Variants in EXOC3 observed in about 807,000 individuals in gnomAD.
EXOC3 encodes exocyst complex component 3.
In EXOC3, 21 loss-of-function variants were observed where a neutral mutation model predicts 73.7. The ratio of observed to expected loss-of-function variants is 0.29; its 90% confidence interval spans 0.20 to 0.41. EXOC3 has a LOEUF of 0.41. EXOC3 is among the 10% of genes least tolerant of loss of function. The pLI is 1.00. For missense variants in EXOC3, 842 were observed against 985.1 expected (o/e 0.85, Z 1.95); for synonymous variants, 410 against 389.1 (o/e 1.05, Z -0.63).
At chr5:449,528 T>C (rs1737597161) in intron 3 of EXOC3, among the ~76,000 whole-genome samples, 1 of 152,244 alleles carries the variant, frequency 6.6e-6, no homozygotes, top group South Asian at 2.1e-4. Flanking sequence ...GAAGACCTCA[T>C]AGAAGTGGCA....
chr5:466,553 G>A (rs939119885), intron 12 of EXOC3, 174 bp from the exon 13 acceptor site: 4 of 592,084 alleles, frequency 6.8e-6, no homozygotes, highest in Non-Finnish European at 1.2e-5. Context: ...AAAAGACAGA[G>A]TAAGATGAAA....
At position 453,799 on chromosome 5, in the gene EXOC3, C is replaced by G. The variant is rs1368003095; in HGVS notation, c.794C>G (p.Ala265Gly). 5 of 1,613,844 alleles carry G rather than the reference C, an allele frequency of 3.1e-6. No individual in the cohort carries two copies. The highest frequency in any genetic ancestry group is 4.2e-6 in the Non-Finnish European group (5 of 1,179,892). The change falls in exon 4 of 13, where the codon GCA becomes GGA. Residue 265 changes from alanine (A) to glycine (G), a missense_variant. Ala to Gly is a moderately conservative substitution (Grantham distance 60, BLOSUM62 0). Transcript: ENST00000512944. The stretch of plus-strand genomic sequence containing the variant: ...ACCACCAGAATTGAGGGCACACAGG[C>G]AGATACCAGAGAGTCTGACAAGATG... ...TVTTRIEGTQ[A>G]DTRESDKMWL...
chr5:448,847 CAT>C (rs761656623), intron 3 of EXOC3, among the ~76,000 whole-genome samples: 39 of 152,350 alleles, frequency 2.6e-4, no homozygotes, highest in Admixed American at 5.9e-4. Flanking sequence ...CGTAGGGTCA[CAT>C]GTGTGGCTGC....
chr5:448,837 C>T (rs576283182), intron 3 of EXOC3, among the ~76,000 whole-genome samples: 8 of 152,310 alleles, frequency 5.3e-5, no homozygotes, highest in East Asian at 1.9e-4. Flanking sequence ...GGGCATGATC[C>T]GTAGGGTCAC....
At chr5:446,499 T>C in intron 2 of EXOC3, 150 bp downstream of exon 2, 1 of 707,154 alleles carries the variant, frequency 1.4e-6, no homozygotes. Flanking sequence ...AGCAGTGTAT[T>C]ACCACTCAGT....
chr5:449,655 C>T (rs1274812276), intron 3 of EXOC3, among the ~76,000 whole-genome samples: 1 of 152,194 alleles, frequency 6.6e-6, no homozygotes, highest in Non-Finnish European at 1.5e-5. Context: ...AATAATATTC[C>T]ATTGTATGGA....
intron 3 of EXOC3, among the ~76,000 whole-genome samples, chr5:449,826 G>T (rs777852097): frequency 3.9e-5 from 6 of 152,234 alleles, no homozygotes; most frequent in Non-Finnish European, 7.3e-5. Context: ...GGACCATGTG[G>T]TAATTTATGT....
At chr5:460,311 C>T (rs1737947576) in intron 7 of EXOC3, among the ~76,000 whole-genome samples, 1 of 151,752 alleles carries the variant, frequency 6.6e-6, no homozygotes, top group South Asian at 2.1e-4. Context: ...AGAGAGATGT[C>T]CCTCAGCCTC....
At chr5:449,574 T>C (rs1417942159) in intron 3 of EXOC3, among the ~76,000 whole-genome samples, 13 of 152,242 alleles carry the variant, frequency 8.5e-5, no homozygotes, top group Non-Finnish European at 1.5e-4. Context: ...CATGCTTATT[T>C]CACTCAGCAT....
chr5:464,310 G>T lies in EXOC3; in HGVS notation c.1674G>T (p.Met558Ile), dbSNP rs146796409. The T allele has an allele frequency of 6.2e-7, 1 of 1,613,538 alleles. No individual in the cohort carries two copies. The highest frequency in any genetic ancestry group is 1.3e-5 in the African/African-American group (1 of 75,054). The change falls in exon 10 of 13, where the codon ATG becomes ATT. Residue 558 changes from methionine to isoleucine, a missense_variant. Transcript: ENST00000512944. ...LDLEQHLNEL[M>I]TKKWLLGSNA... ...TTCAGCAACATCTGAATGAATTGAT[G>T]ACGAAGAAGTGGCTATTAGGGTCAA... is the stretch of plus-strand genomic sequence containing the variant.
At chr5:452,570 C>A (rs1259277058) in intron 3 of EXOC3, among the ~76,000 whole-genome samples, 1 of 152,188 alleles carries the variant, frequency 6.6e-6, no homozygotes, top group East Asian at 1.9e-4. Context: ...TTTCTTCTTT[C>A]TTTGGGTGCC....
chr5:460,160 C>T (rs1052816189), intron 7 of EXOC3, among the ~76,000 whole-genome samples: 48 of 152,170 alleles, frequency 3.2e-4, no homozygotes, highest in African/African-American at 1.1e-3. Context: ...GCCAAGTCTG[C>T]GTTTGGGTTG....
intron 4 of EXOC3, 97 bp downstream of exon 4, chr5:454,148 C>A: frequency 9.5e-7 from 1 of 1,054,130 alleles, no homozygotes; most frequent in Non-Finnish European, 1.3e-6. Flanking sequence ...CAGGGTGTTG[C>A]TCTGGGCAGG....
intron 9 of EXOC3, 136 bp downstream of exon 9, chr5:462,443 C>A: frequency 1.1e-6 from 1 of 931,908 alleles, no homozygotes; most frequent in Non-Finnish European, 1.7e-6. Flanking sequence ...GCATTCCGGT[C>A]AGATCGCTTA....
chr5:466,001 G>A, intron 12 of EXOC3, 156 bp downstream of exon 12: 1 of 737,170 alleles, frequency 1.4e-6, no homozygotes, highest in South Asian at 1.9e-5. Context: ...CAGGCGCAGG[G>A]AGCAGAGCTG....
At chr5:460,770 T>C (rs547173250) in intron 7 of EXOC3, among the ~76,000 whole-genome samples, 2 of 152,348 alleles carry the variant, frequency 1.3e-5, no homozygotes, top group Non-Finnish European at 2.9e-5. Flanking sequence ...TGAGTTTGTT[T>C]CTTTGGAGGT....
chr5:460,503 C>T lies in EXOC3; in HGVS notation c.1391+1044C>T, dbSNP rs1404449442. On this transcript the variant is annotated intron_variant, in intron 7 of 12. Transcript: ENST00000512944. ...CTCAGAGTTCCCATTTGCCATCCAT[C>T]GATAGGGGTAATGCCCAAGTCCCCA... Among the ~76,000 whole-genome samples, 6 of 152,216 alleles carry T rather than the reference C, an allele frequency of 3.9e-5. 1 individual carries two copies. The highest frequency in any genetic ancestry group is 6.5e-5 in the Admixed American group (1 of 15,286).
rs752927508 is a variant in EXOC3 at position 453,835 on chromosome 5, G to A, written c.830G>A (p.Arg277His). ...GAGTCTGACAAGATGTGGCTTGTCCGCCACCTGGAAATTATAAGGAAGTAC... is the reference window on the plus strand; with the variant it reads ...GAGTCTGACAAGATGTGGCTTGTCCACCACCTGGAAATTATAAGGAAGTAC... ...TRESDKMWLV[R>H]HLEIIRKYVL... The change falls in exon 4 of 13, where the codon CGC becomes CAC. Residue 277 changes from arginine (R) to histidine (H), a missense_variant. By Grantham distance (29) the Arg-to-His change is conservative (BLOSUM62 0). Coordinates refer to ENST00000512944, the MANE Select transcript of EXOC3 (RefSeq NM_007277.5). 3.1e-6 allele frequency: 5 copies of A among 1,613,638 alleles called. No individual in the cohort carries two copies. Among genetic ancestry groups the A allele is most frequent in the Non-Finnish European group, 4.2e-6 (5 of 1,179,816 alleles).
chr5:463,524 G>T (rs907315174), intron 9 of EXOC3, among the ~76,000 whole-genome samples: 8 of 152,172 alleles, frequency 5.3e-5, no homozygotes, highest in Admixed American at 5.2e-4. Context: ...TGAGGGTGTG[G>T]GAAAAAGGGG....
Sources: allele counts gnomAD v4.1 joint callset (sites outside exome capture counted in the v4.1 genomes callset), GRCh38; gene constraint gnomAD v4.1.1; transcripts MANE v1.5; gene names NCBI Gene and HGNC (gene_info 2026-07-23, HGNC 2026-07-21).